Variants in SAFB observed in about 807,000 individuals in gnomAD.
SAFB encodes the protein scaffold attachment factor B.
SAFB carries 15 observed loss-of-function variants against 101.6 expected under a neutral mutation model. The ratio of observed to expected loss-of-function variants is 0.15; its 90% confidence interval spans 0.10 to 0.23. SAFB has a LOEUF of 0.23. Among genes scored for constraint, SAFB ranks in the 10% least tolerant of loss-of-function variants. SAFB has a pLI of 1.00. For missense variants in SAFB, 930 were observed against 1,104.1 expected, an observed-to-expected ratio of 0.84 and a Z score of 2.23; for synonymous variants, 449 against 407.5, an observed-to-expected ratio of 1.10 and a Z score of -1.23.
At chr19:5,662,949 G>A (rs1013892990) in intron 15 of SAFB, among the ~76,000 whole-genome samples, 2 of 148,118 alleles carry the variant, frequency 1.4e-5, no homozygotes, top group African/African-American at 5.0e-5. Flanking sequence ...GCCTTGTCCT[G>A]GCTTTTTAAA....
At chr19:5,650,198 T>G (rs990307886) in intron 8 of SAFB, among the ~76,000 whole-genome samples, 4 of 152,208 alleles carry the variant, frequency 2.6e-5, no homozygotes, top group African/African-American at 9.7e-5. Flanking sequence ...ATCCTTGTGT[T>G]GGGAGCACAT....
intron 6 of SAFB, 21 bp downstream of exon 6, chr19:5,648,064 T>TA (rs1315344007): frequency 1.2e-6 from 2 of 1,601,842 alleles, no homozygotes; most frequent in African/African-American, 1.3e-5. Flanking sequence ...ATGAAAAACT[T>TA]ACCAGCGGGG....
rs376063280 is a variant in SAFB at position 5,653,189 on chromosome 19, A to G, written c.1368A>G (p.Thr456=). The G allele has an allele frequency of 6.2e-7, 1 of 1,614,178 alleles. No homozygotes were observed. Among genetic ancestry groups the G allele is most frequent in the Non-Finnish European group, 8.5e-7 (1 of 1,180,044 alleles). Residue 456 remains threonine, a synonymous_variant, in exon 10 of 21, where the codon ACA becomes ACG. Transcript: ENST00000588852. ...ARCYGFVTMS[T]AEEATKCINH... ...GTTACGGTTTTGTCACGATGTCCAC[A>G]GCAGAAGAGGCCACAAAATGCATTA...
At chr19:5,638,742 C>T (rs868231514) in intron 2 of SAFB, among the ~76,000 whole-genome samples, 1 of 114,784 alleles carries the variant, frequency 8.7e-6, no homozygotes, top group African/African-American at 3.5e-5. Flanking sequence ...TTTTTAAAGA[C>T]AGTCTGTCTT....
chr19:5,663,560 C>T (rs532149822), intron 15 of SAFB, among the ~76,000 whole-genome samples: 1 of 152,250 alleles, frequency 6.6e-6, no homozygotes, highest in South Asian at 2.1e-4. Flanking sequence ...TGCTTTGGTA[C>T]GAAATCCTTC....
Position 5,664,073 on chromosome 19 carries a change from C to T in SAFB, c.2205C>T (p.Arg735=), listed in dbSNP as rs545516821. Reference sequence around the variant, plus strand: ...CCAAGCGGGCCGCCCTGGATGAGCGCTACCATTCTGACTTTAACCGCCAGG... The same window carrying T: ...CCAAGCGGGCCGCCCTGGATGAGCGTTACCATTCTGACTTTAACCGCCAGG... ...PEAKRAALDE[R]YHSDFNRQDR... Residue 735 remains arginine, a synonymous_variant, in exon 16 of 21, where the codon CGC becomes CGT. Coordinates refer to ENST00000588852, the MANE Select transcript of SAFB (RefSeq NM_001201338.2). 9.3e-6 allele frequency: 15 copies of T among 1,614,066 alleles called. No homozygotes were observed. In the South Asian group the frequency reaches 1.6e-4, roughly 18 times the overall value.
chr19:5,664,532 A>G, intron 17 of SAFB, 93 bp downstream of exon 17: 3 of 953,162 alleles, frequency 3.1e-6, no homozygotes, highest in South Asian at 1.3e-5. Flanking sequence ...TTCTTTGAGC[A>G]AGAGGCAAAA....
At chr19:5,634,267 G>A (rs904722490) in intron 2 of SAFB, among the ~76,000 whole-genome samples, 1 of 151,842 alleles carries the variant, frequency 6.6e-6, no homozygotes, top group East Asian at 1.9e-4. Flanking sequence ...AACCTAAAAG[G>A]AAATTTTATA....
intron 5 of SAFB, 32 bp downstream of exon 5, chr19:5,645,431 A>G (rs2053807483): frequency 3.8e-6 from 4 of 1,048,176 alleles, no homozygotes; most frequent in Non-Finnish European, 5.9e-6. Flanking sequence ...TACTTTTAGA[A>G]TGAAAGGTCA....
intron 2 of SAFB, among the ~76,000 whole-genome samples, chr19:5,635,533 G>A (rs2053578093): frequency 1.3e-5 from 2 of 152,124 alleles, no homozygotes; most frequent in Admixed American, 6.5e-5. Flanking sequence ...TACTTAGGAG[G>A]ATGAATCTTC....
chr19:5,660,983 C>T (rs901140859), intron 14 of SAFB, among the ~76,000 whole-genome samples: 16 of 123,398 alleles, frequency 1.3e-4, no homozygotes, highest in Middle Eastern at 6.2e-3. Context: ...GGCTGGAGTG[C>T]AGTGGCTCAC....
intron 2 of SAFB, among the ~76,000 whole-genome samples, chr19:5,629,468 AT>A (rs955437758): frequency 1.1e-4 from 16 of 152,042 alleles, no homozygotes; most frequent in African/African-American, 3.9e-4. Context: ...CTGTATGCAT[AT>A]TTTTTTCATT....
intron 2 of SAFB, among the ~76,000 whole-genome samples, chr19:5,639,820 C>T (rs1443541054): frequency 2.0e-5 from 3 of 151,850 alleles, no homozygotes; most frequent in African/African-American, 4.8e-5. Context: ...GGGATGGAGC[C>T]GAAGTGTTTT....
intron 13 of SAFB, among the ~76,000 whole-genome samples, chr19:5,655,459 CAAAAAAAAAAA>C (rs56999816): frequency 1.8e-5 from 1 of 55,174 alleles, no homozygotes; most frequent in South Asian, 5.8e-4. Context: ...GACCCCATCT[CAAAAAAAAAAA>C]AAAAAAAAAA....
In SAFB at chr19:5,623,414, G is replaced by A. The variant is rs773058337; in HGVS notation, c.189+20G>A. On this transcript the variant is annotated intron_variant, in intron 1 of 20. Coordinates refer to ENST00000588852, the MANE Select transcript of SAFB (RefSeq NM_001201338.2). ...AAGAAGGTGGATTTGGGGCCCCGAG[G>A]GCGGGCACAGGGTGGGTCTGGGGTC... is the stretch of plus-strand genomic sequence containing the variant. The A allele has an allele frequency of 5.6e-6, 9 of 1,609,410 alleles. No homozygotes were observed. The highest frequency in any genetic ancestry group is 2.7e-5 in the African/African-American group (2 of 74,958).
intron 15 of SAFB, among the ~76,000 whole-genome samples, chr19:5,662,117 C>T (rs899456453): frequency 1.3e-5 from 2 of 152,156 alleles, no homozygotes; most frequent in Non-Finnish European, 2.9e-5. Context: ...TATCTCCTGA[C>T]CTCGTGATCC....
At chr19:5,637,188 C>T (rs1414550782) in intron 2 of SAFB, among the ~76,000 whole-genome samples, 1 of 150,304 alleles carries the variant, frequency 6.7e-6, no homozygotes, top group Admixed American at 6.6e-5. Flanking sequence ...ACTAAAAATA[C>T]AAAAAATAAG....
Position 5,667,045 on chromosome 19 carries a change from G to A in SAFB, c.2335-1G>A. Reference sequence around the variant, plus strand: ...TTCCCTTCTGGCTCTGTGATGTCCAGCATTACCCAGAACGCCATGGAGGAC... The same window carrying A: ...TTCCCTTCTGGCTCTGTGATGTCCAACATTACCCAGAACGCCATGGAGGAC... On this transcript the variant is annotated splice_acceptor_variant, in intron 17 of 20. Transcript: ENST00000588852. LOFTEE classifies it high-confidence loss of function. This position sits in a 1 kb window ranked among gnomAD's most constrained non-coding sequence, Gnocchi z 4.0. The A allele has an allele frequency of 6.3e-7, 1 of 1,587,660 alleles. No homozygotes were observed. The highest frequency in any genetic ancestry group is 1.7e-4 in the Middle Eastern group (1 of 5,998).
At chr19:5,628,797 C>T (rs1026272889) in intron 2 of SAFB, among the ~76,000 whole-genome samples, 1 of 152,212 alleles carries the variant, frequency 6.6e-6, no homozygotes, top group African/African-American at 2.4e-5. Context: ...AAGTATACTT[C>T]TGCCAAGGCA....
Sources: allele counts gnomAD v4.1 joint callset (sites outside exome capture counted in the v4.1 genomes callset), GRCh38; gene constraint gnomAD v4.1.1; non-coding constraint Gnocchi (gnomAD v3.1); transcripts MANE v1.5; gene names NCBI Gene and HGNC (gene_info 2026-07-23, HGNC 2026-07-21).